SLC39A11: variants seen among roughly 807,000 people sequenced by gnomAD.
The protein encoded by SLC39A11 is solute carrier family 39 member 11, also known as zinc transporter ZIP11.
A neutral mutation model predicts 36.1 loss-of-function variants in SLC39A11; 33 were observed. The ratio of observed to expected loss-of-function variants is 0.91; its 90% CI spans 0.69 to 1.22. SLC39A11 has a LOEUF of 1.22. Ranked by LOEUF, SLC39A11 falls within the 50% of genes most tolerant of loss-of-function variation. The probability of loss-of-function intolerance (pLI) is 0.00; values close to 1 mark genes in which losing one functional copy is unlikely to be tolerated. For missense variants in SLC39A11, 432 were observed against 430.3 expected (o/e 1.00, Z -0.03); for synonymous variants, 166 against 170.3 (o/e 0.97, Z 0.20).
At chr17:72,666,157 T>A (rs2070746849) in intron 7 of SLC39A11, among the ~76,000 whole-genome samples, 1 of 152,214 alleles carries the variant, frequency 6.6e-6, no homozygotes, top group Non-Finnish European at 1.5e-5. Flanking sequence ...CTTTTCCAGA[T>A]CCTACGTTTT....
chr17:72,877,005 T>A (rs1296516521), intron 5 of SLC39A11, among the ~76,000 whole-genome samples: 1 of 152,196 alleles, frequency 6.6e-6, no homozygotes, highest in Non-Finnish European at 1.5e-5. Context: ...CAAATGCAGG[T>A]CCTTGGCTAC....
At chr17:72,669,057 C>A (rs35737633) in intron 7 of SLC39A11, among the ~76,000 whole-genome samples, 26,042 of 152,146 alleles carry the variant, frequency 0.17, 2,822 homozygotes, top group South Asian at 0.24. Flanking sequence ...TTAAGAAAAC[C>A]TGAACAGGGT....
At chr17:72,816,840 T>C (rs571864676) in intron 6 of SLC39A11, among the ~76,000 whole-genome samples, 2 of 152,274 alleles carry the variant, frequency 1.3e-5, no homozygotes, top group South Asian at 2.1e-4. Context: ...CCAAGCTTAA[T>C]GGGAGAGAGA....
At chr17:73,004,643 A>G (rs999764246) in intron 4 of SLC39A11, among the ~76,000 whole-genome samples, 3 of 152,242 alleles carry the variant, frequency 2.0e-5, no homozygotes, top group Non-Finnish European at 4.4e-5. Flanking sequence ...AGTGGGTAAA[A>G]TAAGTCTCAT....
chr17:72,835,006 C>T (rs1287618059), intron 6 of SLC39A11, among the ~76,000 whole-genome samples: 4 of 152,214 alleles, frequency 2.6e-5, no homozygotes, highest in African/African-American at 4.8e-5. Flanking sequence ...TTTGGGATCA[C>T]GGAGGATTCC....
At chr17:72,679,997 G>A (rs142429453) in intron 7 of SLC39A11, among the ~76,000 whole-genome samples, 2,024 of 130,406 alleles carry the variant, frequency 0.016, 38 homozygotes, top group African/African-American at 0.052. Flanking sequence ...AGCCAAGATC[G>A]AGCTACTGCA....
intron 7 of SLC39A11, among the ~76,000 whole-genome samples, chr17:72,666,109 T>C (rs1259257809): frequency 6.6e-6 from 1 of 152,162 alleles, no homozygotes; most frequent in East Asian, 1.9e-4. Flanking sequence ...TGTCTTCAGC[T>C]GTAAAATAAG....
intron 7 of SLC39A11, among the ~76,000 whole-genome samples, chr17:72,703,504 C>T (rs2072745677): frequency 6.6e-6 from 1 of 150,810 alleles, no homozygotes; most frequent in African/African-American, 2.5e-5. Context: ...GGGCGATACC[C>T]CACAGGGTTC....
chr17:72,920,657 C>T (rs2083606303), intron 5 of SLC39A11, among the ~76,000 whole-genome samples: 1 of 129,806 alleles, frequency 7.7e-6, no homozygotes, highest in Non-Finnish European at 1.6e-5. Flanking sequence ...ACACCATGTA[C>T]ACCCTATACA....
intron 6 of SLC39A11, among the ~76,000 whole-genome samples, chr17:72,783,205 T>C (rs967913387): frequency 6.7e-6 from 1 of 150,220 alleles, no homozygotes; most frequent in South Asian, 2.1e-4. Context: ...AGACACTGAA[T>C]CTGAATCTGC....
At chr17:72,894,245 C>A (rs1211058850) in intron 5 of SLC39A11, among the ~76,000 whole-genome samples, 1 of 147,454 alleles carries the variant, frequency 6.8e-6, no homozygotes, top group African/African-American at 2.6e-5. Context: ...GCCTGTAATC[C>A]CAGCTACTCT....
intron 7 of SLC39A11, among the ~76,000 whole-genome samples, chr17:72,717,184 A>C: frequency 6.7e-6 from 1 of 150,160 alleles, no homozygotes; most frequent in African/African-American, 2.4e-5. Context: ...AAAAATTTTA[A>C]AAAATTTAAA....
chr17:73,006,675 C>CAG (rs2090197712), intron 4 of SLC39A11, among the ~76,000 whole-genome samples: 1 of 151,696 alleles, frequency 6.6e-6, no homozygotes, highest in Admixed American at 6.6e-5. Flanking sequence ...CACACACACA[C>CAG]ACATGCACAC....
intron 5 of SLC39A11, among the ~76,000 whole-genome samples, chr17:72,928,392 T>A (rs2084179125): frequency 6.6e-6 from 1 of 152,212 alleles, no homozygotes; most frequent in Admixed American, 6.5e-5. Context: ...CCTGATTCTA[T>A]CCCACCTGCC....
chr17:72,747,362 G>A (rs2074981883), intron 6 of SLC39A11, among the ~76,000 whole-genome samples: 1 of 152,136 alleles, frequency 6.6e-6, no homozygotes, highest in African/African-American at 2.4e-5. Flanking sequence ...ATGTTGGCCA[G>A]GCTGGTCTTG....
intron 5 of SLC39A11, 95 bp from the exon 6 acceptor site, chr17:72,849,899 C>T: frequency 8.0e-7 from 1 of 1,253,984 alleles, no homozygotes; most frequent in Non-Finnish European, 1.1e-6. Flanking sequence ...GAAGAAGCTT[C>T]TTTTTCTTTT....
At chr17:72,951,097 T>TA (rs761429572) in intron 4 of SLC39A11, among the ~76,000 whole-genome samples, 3,793 of 139,366 alleles carry the variant, frequency 0.027, 136 homozygotes, top group East Asian at 0.088. Context: ...CCCCATTTCT[T>TA]AAAAAAAAAA....
intron 6 of SLC39A11, among the ~76,000 whole-genome samples, chr17:72,803,576 G>T (rs1012433592): frequency 6.6e-6 from 1 of 152,168 alleles, no homozygotes; most frequent in Non-Finnish European, 1.5e-5. Context: ...AGCCCCCAAA[G>T]AGAGGCTCCT....
At chr17:72,663,564 T>A (rs146961483) in intron 7 of SLC39A11, among the ~76,000 whole-genome samples, 129 of 152,184 alleles carry the variant, frequency 8.5e-4, no homozygotes, top group Middle Eastern at 3.4e-3. Flanking sequence ...TAGTTATATG[T>A]GATTTTGAAC....
Sources: gnomAD v4.1 joint callset for allele counts (sites outside exome capture counted in the v4.1 genomes callset) on GRCh38, gnomAD v4.1.1 for gene constraint, MANE v1.5 for transcripts, NCBI Gene and HGNC (gene_info 2026-07-23, HGNC 2026-07-21) for gene names.